Variants in SLC8A3 observed in about 807,000 individuals in gnomAD.
SLC8A3 encodes the protein sodium/calcium exchanger 3.
A neutral mutation model predicts 65.4 loss-of-function variants in SLC8A3; 37 were observed. The observed-to-expected ratio is 0.57, with a 90% CI of 0.44 to 0.74. The LOEUF is 0.74. Among genes scored for constraint, SLC8A3 ranks in the 30% least tolerant of loss-of-function variants. The pLI is 0.00. For missense variants in SLC8A3, 1,112 were observed against 1,172.1 expected (o/e 0.95, Z 0.75); for synonymous variants, 461 against 444.5 (o/e 1.04, Z -0.47).
At chr14:70,065,090 C>T (rs964760750) in intron 2 of SLC8A3, among the ~76,000 whole-genome samples, 11 of 152,164 alleles carry the variant, frequency 7.2e-5, no homozygotes, top group African/African-American at 2.4e-4. Context: ...GGCCTGCACC[C>T]TTTGAGACTC....
intron 2 of SLC8A3, among the ~76,000 whole-genome samples, chr14:70,158,296 T>A (rs1896694120): frequency 6.6e-6 from 1 of 152,120 alleles, no homozygotes; most frequent in Non-Finnish European, 1.5e-5. Context: ...GCAGAATACA[T>A]CTGCATCCCC....
intron 2 of SLC8A3, among the ~76,000 whole-genome samples, chr14:70,090,163 T>C (rs1421875683): frequency 6.6e-6 from 1 of 151,830 alleles, no homozygotes; most frequent in Non-Finnish European, 1.5e-5. Flanking sequence ...TGCCTTCTAC[T>C]GTTTTCCCCG....
chr14:70,086,922 C>G (rs1007052557), intron 2 of SLC8A3, among the ~76,000 whole-genome samples: 5 of 152,164 alleles, frequency 3.3e-5, no homozygotes, highest in Non-Finnish European at 7.3e-5. Context: ...CCTCTACTAC[C>G]CAGAGTCAAT....
chr14:70,058,205 T>A (rs1403531893), intron 3 of SLC8A3, among the ~76,000 whole-genome samples: 2 of 152,238 alleles, frequency 1.3e-5, no homozygotes, highest in African/African-American at 4.8e-5. Context: ...CCATTCTGAA[T>A]GTTTCAGACT....
intron 2 of SLC8A3, among the ~76,000 whole-genome samples, chr14:70,129,692 T>C (rs1894694063): frequency 6.6e-6 from 1 of 152,152 alleles, no homozygotes; most frequent in Admixed American, 6.5e-5. Context: ...TAAATCAGAC[T>C]TTGTTAGGGA....
At chr14:70,144,700 C>G (rs1209061771) in intron 2 of SLC8A3, among the ~76,000 whole-genome samples, 1 of 152,022 alleles carries the variant, frequency 6.6e-6, no homozygotes, top group Non-Finnish European at 1.5e-5. Flanking sequence ...AAAGAAGTCT[C>G]TTGGAGTGCC....
chr14:70,146,741 G>A (rs758768334), intron 2 of SLC8A3, among the ~76,000 whole-genome samples: 30 of 152,218 alleles, frequency 2.0e-4, no homozygotes, highest in East Asian at 3.9e-4. Context: ...TTAGTGCTAC[G>A]TTTTTCACAT....
rs542464929 is a variant in SLC8A3, at chr14:70,079,341, A to AT, written c.1785-18403_1785-18402insA. Among the ~76,000 whole-genome samples, 518 of 150,590 alleles carry AT rather than the reference A, an allele frequency of 3.4e-3. 1 individual carries two copies. The highest frequency in any genetic ancestry group is 6.1e-3 in the Non-Finnish European group (410 of 67,472). On this transcript the variant is annotated intron_variant, in intron 2 of 6. Transcript: ENST00000356921. ...TCTACTAAAAAATACAAAAAAAAAAAAAAAAAAAAAAATCAGCCAGGCGTG... is the reference window on the plus strand; with the variant it reads ...TCTACTAAAAAATACAAAAAAAAAAATAAAAAAAAAAAATCAGCCAGGCGTG...
chr14:70,104,065 C>G (rs547102085), intron 2 of SLC8A3, among the ~76,000 whole-genome samples: 1 of 151,766 alleles, frequency 6.6e-6, no homozygotes, highest in African/African-American at 2.4e-5. Flanking sequence ...AATAACGGAA[C>G]CAATTCATCA....
intron 2 of SLC8A3, among the ~76,000 whole-genome samples, chr14:70,149,444 GA>G (rs1322370784): frequency 6.6e-6 from 1 of 152,166 alleles, no homozygotes; most frequent in Non-Finnish European, 1.5e-5. Context: ...GCCCCAGCCT[GA>G]CAGGCTTGTG....
intron 1 of SLC8A3, among the ~76,000 whole-genome samples, chr14:70,173,768 C>T (rs889627573): frequency 3.3e-5 from 5 of 152,178 alleles, no homozygotes; most frequent in African/African-American, 1.2e-4. Context: ...TATTCTCCTG[C>T]ACTTCCTCTG....
At position 70,188,746 on chromosome 14, in the gene SLC8A3, C is replaced by CT. The variant is rs1291628952; in HGVS notation, c.-431_-430insA. ...CCCGGGAGAGGCCCGGAGTCCCGGC[C>CT]GCGGGCGGCGGGGGATTCCTGCAGG... On this transcript the variant is annotated 5_prime_UTR_variant, in exon 1 of 7. Transcript: ENST00000356921. 1 of 152,124 alleles carries CT rather than the reference C, an allele frequency of 6.6e-6. No homozygotes were observed. Among genetic ancestry groups the CT allele is most frequent in the African/African-American group, 2.4e-5 (1 of 41,444 alleles). 9.4% of individuals were successfully genotyped at this position (152,124 alleles called of 1,614,324 possible).
At chr14:70,163,239 A>G (rs192417493) in intron 2 of SLC8A3, among the ~76,000 whole-genome samples, 2 of 152,368 alleles carry the variant, frequency 1.3e-5, no homozygotes, top group African/African-American at 2.4e-5. Context: ...CTGTTGTCCA[A>G]CAAAAACCTG....
chr14:70,048,880 A>G lies in SLC8A3; in HGVS notation c.2276T>C (p.Ile759Thr). 1.9e-6 allele frequency: 3 copies of G among 1,614,210 alleles called. No homozygotes were observed. The highest frequency in any genetic ancestry group is 2.5e-6 in the Non-Finnish European group (3 of 1,180,024). ...CCCAATGATGGCGGTGAGCATGCCA[A>G]TGATGAGGATGGAGACGGCGAAGCA... is the stretch of plus-strand genomic sequence containing the variant. ...WACFAVSILI[I>T]GMLTAIIGDL... Residue 759 changes from isoleucine to threonine, a missense_variant, in exon 6 of 7, where the codon ATT becomes ACT. Ile to Thr is a moderately conservative substitution (Grantham distance 89, BLOSUM62 -1). Transcript: ENST00000356921.
At chr14:70,048,412 A>G in intron 6 of SLC8A3, 1 of 569,884 alleles carries the variant, frequency 1.8e-6, no homozygotes, top group Non-Finnish European at 3.1e-6. Flanking sequence ...AAGAAATTGG[A>G]CCACTTACTT....
intron 2 of SLC8A3, among the ~76,000 whole-genome samples, chr14:70,113,424 C>T (rs1347262940): frequency 6.6e-6 from 1 of 152,162 alleles, no homozygotes; most frequent in African/African-American, 2.4e-5. Flanking sequence ...GTCACATATG[C>T]AATCCACTGT....
At chr14:70,047,196 A>G (rs1409966884) in intron 6 of SLC8A3, 2 of 152,176 alleles carry the variant, frequency 1.3e-5, no homozygotes, top group East Asian at 1.9e-4. Flanking sequence ...GTCTTGGCCA[A>G]TTGCAAGGAC....
intron 2 of SLC8A3, 134 bp downstream of exon 2, chr14:70,166,505 G>T (rs1897166893): frequency 3.2e-6 from 2 of 618,758 alleles, no homozygotes; most frequent in Non-Finnish European, 5.8e-6. Flanking sequence ...TGCTGATCCT[G>T]CATACCTGTG....
chr14:70,067,748 A>G (rs376467597), intron 2 of SLC8A3, among the ~76,000 whole-genome samples: 6 of 152,240 alleles, frequency 3.9e-5, no homozygotes, highest in African/African-American at 1.2e-4. Context: ...TTTACTTAAC[A>G]TACCACATTT....
Sources: gnomAD v4.1 joint callset for allele counts (sites outside exome capture counted in the v4.1 genomes callset) on GRCh38, gnomAD v4.1.1 for gene constraint, MANE v1.5 for transcripts, NCBI Gene and HGNC (gene_info 2026-07-23, HGNC 2026-07-21) for gene names.